The following SYNE2 variants were observed in gnomAD, a reference collection of about 807,000 sequenced individuals.
SYNE2 encodes the protein nesprin-2.
Under a neutral mutation model 856.3 loss-of-function variants are expected in SYNE2, and 431 were observed. That is an observed-to-expected ratio of 0.50 (90% CI 0.47 to 0.55). SYNE2 has a LOEUF of 0.55. Ranked by LOEUF, SYNE2 falls within the 20% of genes least tolerant of loss-of-function variation. SYNE2 has a pLI of 0.00. For missense variants in SYNE2, 8,129 were observed against 8,023.2 expected, an observed-to-expected ratio of 1.01 and a Z score of -0.50; for synonymous variants, 2,923 against 2,872.3, an observed-to-expected ratio of 1.02 and a Z score of -0.56.
intron 1 of SYNE2, among the ~76,000 whole-genome samples, chr14:63,859,861 C>T (rs35103832): frequency 0.056 from 8,570 of 152,046 alleles, 268 homozygotes; most frequent in Middle Eastern, 0.096. Flanking sequence ...TATGTGCAGC[C>T]TGCACTAAAG....
chr14:64,110,317 G>A (rs2097796016), intron 65 of SYNE2, among the ~76,000 whole-genome samples: 1 of 152,142 alleles, frequency 6.6e-6, no homozygotes, highest in Non-Finnish European at 1.5e-5. Flanking sequence ...TCAGTGTTGT[G>A]TTGATGCAGA....
chr14:64,129,184 G>A (rs2097984273), intron 74 of SYNE2, among the ~76,000 whole-genome samples: 2 of 152,192 alleles, frequency 1.3e-5, no homozygotes, highest in Non-Finnish European at 2.9e-5. Context: ...GCACACGGCT[G>A]TAGTCCCACC....
At chr14:64,093,596 T>A (rs765699666) in intron 61 of SYNE2, 116 bp downstream of exon 61, 82 of 1,086,790 alleles carry the variant, frequency 7.5e-5, no homozygotes, top group Non-Finnish European at 1.1e-4. Context: ...TAACACCTGT[T>A]TCTCTGTAAC....
In SYNE2 at chr14:64,209,542, G is replaced by T; in HGVS notation, c.18504G>T (p.Leu6168Phe). The change falls in exon 102 of 116, where the codon TTG becomes TTT. Residue 6168 changes from leucine to phenylalanine, a missense_variant. By Grantham distance (22) the Leu-to-Phe change is conservative. Coordinates refer to ENST00000555002, the MANE Select transcript of SYNE2 (RefSeq NM_182914.3). ...TAACPNSSEV[L>F]YTSAKEELKR... ...CCTGCCCAAATTCCTCAGAGGTGTT[G>T]TACACGAGTGCCAAAGAGGAACTGA... 8.1e-6 allele frequency: 13 copies of T among 1,614,202 alleles called. No homozygotes were observed. The highest frequency in any genetic ancestry group is 1.1e-5 in the Non-Finnish European group (13 of 1,180,046).
intron 28 of SYNE2, among the ~76,000 whole-genome samples, chr14:64,001,630 T>C (rs1160686132): frequency 6.6e-6 from 1 of 152,208 alleles, no homozygotes; most frequent in African/African-American, 2.4e-5. Flanking sequence ...TCTGGCCCAG[T>C]GGGTCATGGT....
rs1362825136 is a variant in SYNE2 at position 64,167,486 on chromosome 14, C to T, written c.16761-9C>T. ...TAACATGGGTGTGTTTTGTTTTAAA[C>T]CTTTGTAGTGAGCTTCAGGGAATTG... On this transcript the variant is annotated splice_polypyrimidine_tract_variant and intron_variant, in intron 91 of 115. Transcript: ENST00000555002. 1 of 1,614,062 alleles carries T rather than the reference C, an allele frequency of 6.2e-7. No homozygotes were observed. The highest frequency in any genetic ancestry group is 8.5e-7 in the Non-Finnish European group (1 of 1,180,034).
At chr14:63,983,276 A>T (rs994995852) in intron 17 of SYNE2, among the ~76,000 whole-genome samples, 1 of 152,222 alleles carries the variant, frequency 6.6e-6, no homozygotes, top group African/African-American at 2.4e-5. Context: ...TGAACAATGC[A>T]GCTGTGGACA....
chr14:63,825,217 C>A (rs1225693988), intron 1 of SYNE2, among the ~76,000 whole-genome samples: 1 of 151,438 alleles, frequency 6.6e-6, no homozygotes, highest in Non-Finnish European at 1.5e-5. Context: ...GTATCAGGAA[C>A]AAAGCAAGGA....
In SYNE2 at chr14:64,091,682, C is replaced by T. The variant is rs117362847; in HGVS notation, c.11976+634C>T. Among the ~76,000 whole-genome samples the T allele has an allele frequency of 1.0e-3, 154 of 152,230 alleles. 2 individuals are homozygous for T. In the East Asian group the frequency reaches 0.015, roughly 15 times the overall value. On this transcript the variant is annotated intron_variant, in intron 60 of 115. Transcript: ENST00000555002. Reference sequence around the variant, plus strand: ...TGGTGGTGGTTGGGTTTTGTTAAATCACTACTCTCCATCAGGAATCATCAT... The same window carrying T: ...TGGTGGTGGTTGGGTTTTGTTAAATTACTACTCTCCATCAGGAATCATCAT...
At chr14:64,094,288 C>T (rs940670801) in intron 61 of SYNE2, among the ~76,000 whole-genome samples, 4 of 151,440 alleles carry the variant, frequency 2.6e-5, no homozygotes, top group Non-Finnish European at 4.4e-5. Context: ...GAGCCGAGAT[C>T]GCGCCACTGC....
At chr14:64,063,268 G>C (rs2153589104) in intron 50 of SYNE2, among the ~76,000 whole-genome samples, 1 of 152,236 alleles carries the variant, frequency 6.6e-6, no homozygotes, top group East Asian at 1.9e-4. Context: ...GGCTGCTCTT[G>C]AACTCCTGAC....
intron 53 of SYNE2, among the ~76,000 whole-genome samples, chr14:64,075,228 A>G (rs895239243): frequency 6.6e-6 from 1 of 152,230 alleles, no homozygotes; most frequent in Non-Finnish European, 1.5e-5. Context: ...AACAAAACAA[A>G]CAACAAAAAA....
At position 64,214,401 on chromosome 14, in the gene SYNE2, A is replaced by G. The variant is rs1363370538; in HGVS notation, c.19264A>G (p.Thr6422Ala). 1 of 1,614,154 alleles carries G rather than the reference A, an allele frequency of 6.2e-7. No individual in the cohort carries two copies. The highest frequency in any genetic ancestry group is 1.7e-5 in the Admixed American group (1 of 60,012). ...CTCCATCCCCCTGGAGTGGGACCAC[A>G]CAGGCGACGTGGGGGGCTCCTCCTC... is the stretch of plus-strand genomic sequence containing the variant. ...VDSIPLEWDHTGDVGGSSSHE... is the reference protein window; with the variant it reads ...VDSIPLEWDHAGDVGGSSSHE... Residue 6422 changes from threonine to alanine, a missense_variant, in exon 106 of 116, where the codon ACA (threonine) becomes GCA (alanine). Coordinates refer to ENST00000555002, the MANE Select transcript of SYNE2 (RefSeq NM_182914.3).
intron 54 of SYNE2, among the ~76,000 whole-genome samples, chr14:64,076,348 ATACAGT>A (rs1367225848): frequency 2.0e-5 from 3 of 152,194 alleles, no homozygotes; most frequent in Non-Finnish European, 2.9e-5. Context: ...GCATTTTATA[ATACAGT>A]TATATAATAT....
intron 18 of SYNE2, 116 bp downstream of exon 18, chr14:63,984,002 G>T: frequency 1.3e-6 from 1 of 751,404 alleles, no homozygotes; most frequent in Non-Finnish European, 2.1e-6. Context: ...AGCACTTTGG[G>T]AGGACAAAAC....
At chr14:64,127,928 CAAAA>C (rs1315431534) in intron 73 of SYNE2, among the ~76,000 whole-genome samples, 3 of 151,984 alleles carry the variant, frequency 2.0e-5, no homozygotes, top group Admixed American at 6.6e-5. Context: ...ATTCAAGAAA[CAAAA>C]AAAGTGGTCA....
At chr14:63,909,317 T>A (rs2095445018) in intron 2 of SYNE2, 90 bp downstream of exon 2, 2 of 800,078 alleles carry the variant, frequency 2.5e-6, no homozygotes, top group South Asian at 3.1e-5. Flanking sequence ...TTCGTCTCTC[T>A]TATGGAGATA....
At chr14:64,020,234 C>A in intron 35 of SYNE2, 141 bp downstream of exon 35, 1 of 653,652 alleles carries the variant, frequency 1.5e-6, no homozygotes, top group Non-Finnish European at 2.7e-6. Flanking sequence ...TTCTCTATAA[C>A]AGGGGTGTCC....
At chr14:63,885,063 A>T (rs1051209353) in intron 1 of SYNE2, among the ~76,000 whole-genome samples, 1 of 152,122 alleles carries the variant, frequency 6.6e-6, no homozygotes, top group Non-Finnish European at 1.5e-5. Context: ...GCCTCTTGGG[A>T]GTGACCGCTT....
Sources: gnomAD v4.1 joint callset for allele counts (sites outside exome capture counted in the v4.1 genomes callset) on GRCh38, gnomAD v4.1.1 for gene constraint, MANE v1.5 for transcripts, NCBI Gene and HGNC (gene_info 2026-07-23, HGNC 2026-07-21) for gene names.